The following EOGT variants were observed in gnomAD, a reference collection of about 807,000 sequenced individuals.
EOGT encodes the protein EGF domain specific O-linked N-acetylglucosamine transferase.
A neutral mutation model predicts 70.5 loss-of-function variants in EOGT; 55 were observed. The observed-to-expected ratio is 0.78, with a 90% CI of 0.63 to 0.98. The LOEUF is 0.98. Among genes scored for constraint, EOGT ranks in the 50% least tolerant of loss-of-function variants. The pLI, the probability that EOGT is intolerant of heterozygous loss-of-function variation, is 0.00. For synonymous variants in EOGT, 246 were observed against 217.1 expected (o/e 1.13, Z -1.17); for missense variants, 703 against 641.9 (o/e 1.10, Z -1.03).
chr3:68,982,905 T>C, intron 14 of EOGT, 33 bp from the exon 15 acceptor site: 1 of 1,555,710 alleles, frequency 6.4e-7, no homozygotes, highest in Non-Finnish European at 8.8e-7. Context: ...TAGCATTTCT[T>C]TTCCTTCTTT....
Position 68,978,323 on chromosome 3 carries a change from T to A in EOGT, c.1437+10A>T. The A allele has an allele frequency of 6.3e-7, 1 of 1,597,592 alleles. No homozygotes were observed. Among genetic ancestry groups the A allele is most frequent in the South Asian group, 1.1e-5 (1 of 88,848 alleles). ...AATGAAGCAAGGTAAGTTTTGTGAT[T>A]GAACTTTACCTTATCCTGAGGAAAG... is the stretch of plus-strand genomic sequence containing the variant. On this transcript the variant is annotated intron_variant, in intron 17 of 17. Transcript: ENST00000383701.
At chr3:68,980,953 T>G (rs2090622993) in intron 15 of EOGT, among the ~76,000 whole-genome samples, 1 of 152,228 alleles carries the variant, frequency 6.6e-6, no homozygotes, top group African/African-American at 2.4e-5. Flanking sequence ...TGATACAGCC[T>G]CAGAGGTGCC....
intron 5 of EOGT, 65 bp from the exon 6 acceptor site, chr3:69,007,886 T>C (rs1358951952): frequency 1.7e-6 from 2 of 1,144,016 alleles, no homozygotes; most frequent in Non-Finnish European, 2.5e-6. Flanking sequence ...GAATTTTCAT[T>C]CTAAAGGTTA....
At chr3:69,012,133 C>T (rs1360795422) in intron 2 of EOGT, 142 bp from the exon 3 acceptor site, 1 of 151,982 alleles carries the variant, frequency 6.6e-6, no homozygotes, top group African/African-American at 2.4e-5. Context: ...GCCGGTGGTG[C>T]GCTTTCTTTT....
intron 14 of EOGT, among the ~76,000 whole-genome samples, chr3:68,983,214 T>C (rs998175224): frequency 4.6e-5 from 7 of 152,156 alleles, no homozygotes; most frequent in African/African-American, 1.7e-4. Context: ...TTATTACCAT[T>C]TGCTTATTAT....
In EOGT at chr3:68,982,837, T is replaced by C; in HGVS notation, c.1188A>G (p.Glu396=). 1 of 1,606,708 alleles carries C rather than the reference T, an allele frequency of 6.2e-7. No homozygotes were observed. The highest frequency in any genetic ancestry group is 1.1e-5 in the South Asian group (1 of 89,122). Residue 396 remains glutamate (E), a synonymous_variant, in exon 15 of 18, where the codon GAA becomes GAG. Coordinates refer to ENST00000383701, the MANE Select transcript of EOGT (RefSeq NM_001278689.2). The part of the protein sequence containing the change: ...VNALKTVSTF[E]VQIVDYKYRE... ...TATACTTGTAATCAACAATCTGGAC[T>C]TCAAATGTAGATACTGTTTTCAGTG...
In EOGT at chr3:68,988,937, A is replaced by C; in HGVS notation, c.912T>G (p.Tyr304Ter). 6.6e-7 allele frequency: 1 copy of C among 1,518,178 alleles called. No individual in the cohort carries two copies. Among genetic ancestry groups the C allele is most frequent in the Non-Finnish European group, 8.8e-7 (1 of 1,134,880 alleles). 94.0% of individuals were successfully genotyped at this position (1,518,178 alleles called of 1,614,324 possible). A position where few individuals can be genotyped will look rare whatever the true frequency, so the allele number is the denominator to read the frequency against. ...TDYDVIHLKT[Y>*]DSKRVCFKEA... ...AAATTTCCAGTACCCTTTTGGAATCATAAGTTTTCAAATGTATAACGTCAT... is the reference window on the plus strand; with the variant it reads ...AAATTTCCAGTACCCTTTTGGAATCCTAAGTTTTCAAATGTATAACGTCAT... The change falls in exon 11 of 18, where the codon TAT becomes TAG. Residue 304 changes from tyrosine to a stop codon, truncating the protein, a stop_gained. Coordinates refer to ENST00000383701, the MANE Select transcript of EOGT (RefSeq NM_001278689.2). LOFTEE classifies it high-confidence loss of function.
rs371921812 is a variant in EOGT at position 68,979,746 on chromosome 3, G to A, written c.1256C>T (p.Thr419Met). The A allele has an allele frequency of 8.7e-5, 140 of 1,613,184 alleles. No individual in the cohort carries two copies. The highest frequency in any genetic ancestry group is 1.6e-4 in the Middle Eastern group (1 of 6,080). ...FLDQLRITHN[T>M]DIFIGMHGAG... Reference sequence around the variant, plus strand: ...TCCATGCATTCCAATAAATATGTCCGTGTTGTGTGTGATCCTTAGTTGATC... The same window carrying A: ...TCCATGCATTCCAATAAATATGTCCATGTTGTGTGTGATCCTTAGTTGATC... The change falls in exon 16 of 18, where the codon ACG (threonine) becomes ATG (methionine). Residue 419 changes from threonine (T) to methionine (M), a missense_variant. Transcript: ENST00000383701.
intron 10 of EOGT, among the ~76,000 whole-genome samples, chr3:68,993,441 T>TCCTCATCTCCATCTGAGGAA (rs1357262208): frequency 6.6e-6 from 1 of 152,178 alleles, no homozygotes; most frequent in Non-Finnish European, 1.5e-5. Context: ...CCCAACAGGT[T>TCCTCATCTCCATCTGAGGAA]CCTCATCTCC....
At chr3:68,982,442 C>T (rs2090675062) in intron 15 of EOGT, among the ~76,000 whole-genome samples, 1 of 152,116 alleles carries the variant, frequency 6.6e-6, no homozygotes, top group Non-Finnish European at 1.5e-5. Flanking sequence ...ATTACTTGAA[C>T]CCAGGAGGTG....
intron 10 of EOGT, 112 bp from the exon 11 acceptor site, chr3:68,989,129 G>T: frequency 1.8e-6 from 1 of 562,602 alleles, no homozygotes; most frequent in Non-Finnish European, 3.0e-6. Context: ...ACAATCCTAC[G>T]CAAGTTCATA....
rs1281657638 is a variant in EOGT at position 68,976,420 on chromosome 3, C to A, written c.*1198G>T. 2 of 152,124 alleles carry A rather than the reference C, an allele frequency of 1.3e-5. No individual in the cohort carries two copies. Among genetic ancestry groups the A allele is most frequent in the African/African-American group, 4.8e-5 (2 of 41,412 alleles). 9.4% of individuals were successfully genotyped at this position (152,124 alleles called of 1,614,324 possible). ...TGGCTAAGAAGGAATCAGTGGAAAC[C>A]AGACAGAAGGTATGCAAGACAGTCC... On this transcript the variant is annotated 3_prime_UTR_variant, in exon 18 of 18. Coordinates refer to ENST00000383701, the MANE Select transcript of EOGT (RefSeq NM_001278689.2).
chr3:68,999,299 G>A (rs1382301367), intron 9 of EOGT, among the ~76,000 whole-genome samples: 1 of 152,124 alleles, frequency 6.6e-6, no homozygotes, highest in African/African-American at 2.4e-5. Flanking sequence ...GAGGGTTGTG[G>A]GAACTACTAT....
chr3:69,006,833 A>G (rs1251850240), intron 6 of EOGT, among the ~76,000 whole-genome samples: 1 of 152,212 alleles, frequency 6.6e-6, no homozygotes, highest in Non-Finnish European at 1.5e-5. Context: ...CCTGCATTTT[A>G]ATCCTAGATG....
At chr3:68,981,236 G>T (rs1160830943) in intron 15 of EOGT, among the ~76,000 whole-genome samples, 1 of 152,186 alleles carries the variant, frequency 6.6e-6, no homozygotes, top group Non-Finnish European at 1.5e-5. Context: ...TCTATTCAGT[G>T]TCTGAGATCC....
intron 10 of EOGT, among the ~76,000 whole-genome samples, chr3:68,995,546 C>T (rs923164900): frequency 1.3e-5 from 2 of 152,030 alleles, no homozygotes; most frequent in Non-Finnish European, 2.9e-5. Context: ...TCATGGTGGC[C>T]GTGCATCCTA....
chr3:69,012,166 A>G (rs2091592184), intron 2 of EOGT, among the ~76,000 whole-genome samples, 175 bp from the exon 3 acceptor site: 1 of 152,100 alleles, frequency 6.6e-6, no homozygotes, highest in Non-Finnish European at 1.5e-5. Flanking sequence ...CCACACTGCT[A>G]TACTCGAGTT....
intron 17 of EOGT, 107 bp downstream of exon 17, chr3:68,978,226 G>T: frequency 2.4e-6 from 2 of 828,410 alleles, no homozygotes; most frequent in Non-Finnish European, 3.9e-6. Flanking sequence ...CCAGAGAACA[G>T]TTTATCTTTG....
At chr3:68,985,879 T>C (rs944689712) in intron 14 of EOGT, among the ~76,000 whole-genome samples, 9 of 152,208 alleles carry the variant, frequency 5.9e-5, no homozygotes, top group African/African-American at 1.7e-4. Flanking sequence ...TGGGTCTCAC[T>C]GGACTAACAC....
Sources: gnomAD v4.1 joint callset for allele counts (sites outside exome capture counted in the v4.1 genomes callset) on GRCh38, gnomAD v4.1.1 for gene constraint, MANE v1.5 for transcripts, NCBI Gene and HGNC (gene_info 2026-07-23, HGNC 2026-07-21) for gene names.